MAML2: variants seen among roughly 807,000 people sequenced by gnomAD.
MAML2 encodes the protein mastermind like transcriptional coactivator 2.
In MAML2, 22 loss-of-function variants were observed where a neutral mutation model predicts 96.1. The observed-to-expected ratio is 0.23, with a 90% CI of 0.16 to 0.33. The LOEUF (loss-of-function observed/expected upper bound fraction) is 0.33. Ranked by LOEUF, MAML2 falls within the 10% of genes least tolerant of loss-of-function variation. MAML2 has a pLI of 1.00. For missense variants in MAML2, 1,367 were observed against 1,392.4 expected (o/e 0.98, Z 0.29); for synonymous variants, 561 against 521.3 (o/e 1.08, Z -1.04).
chr11:96,063,675 G>T (rs1430387352), intron 2 of MAML2, among the ~76,000 whole-genome samples: 1 of 152,174 alleles, frequency 6.6e-6, no homozygotes, highest in African/African-American at 2.4e-5. Context: ...CTCCAAATGA[G>T]CTGAGGGATG....
At chr11:96,043,667 T>C (rs915558571) in intron 2 of MAML2, among the ~76,000 whole-genome samples, 1 of 152,236 alleles carries the variant, frequency 6.6e-6, no homozygotes, top group Non-Finnish European at 1.5e-5. Context: ...AAATGGATGA[T>C]AGAATGTCTG....
In MAML2 at chr11:96,147,188, AC is replaced by A. The variant is rs1242087465; in HGVS notation, c.514-53672del. Among the ~76,000 whole-genome samples, 4 of 152,358 alleles carry A rather than the reference AC, an allele frequency of 2.6e-5. No homozygotes were observed. In the South Asian group the frequency reaches 6.2e-4, roughly 24 times the overall value. On this transcript the variant is annotated intron_variant, in intron 1 of 4. Transcript: ENST00000524717. ...AATACTATATATGCTATACAGCTAA[AC>A]TTTTTTCCTCAATACTTCCTTTTCT...
chr11:96,061,655 A>G (rs137876129), intron 2 of MAML2, among the ~76,000 whole-genome samples: 6 of 152,298 alleles, frequency 3.9e-5, no homozygotes, highest in African/African-American at 1.4e-4. Context: ...AAGACAGGCC[A>G]CTTTCCTCCT....
intron 3 of MAML2, among the ~76,000 whole-genome samples, chr11:95,989,071 C>T (rs768923662): frequency 2.0e-5 from 3 of 152,194 alleles, no homozygotes; most frequent in African/African-American, 4.8e-5. Context: ...TTGGTAATTA[C>T]GATGTCCGTT....
At chr11:96,137,018 T>A (rs1591033684) in intron 1 of MAML2, among the ~76,000 whole-genome samples, 1 of 152,190 alleles carries the variant, frequency 6.6e-6, no homozygotes, top group Admixed American at 6.5e-5. Flanking sequence ...TGTTGTTTTT[T>A]AAAAAATGCC....
At chr11:96,019,363 T>C (rs949667138) in intron 2 of MAML2, among the ~76,000 whole-genome samples, 2 of 152,128 alleles carry the variant, frequency 1.3e-5, no homozygotes, top group African/African-American at 4.8e-5. Context: ...ATCATAACAA[T>C]CATTTTGAAT....
At chr11:95,992,540 G>A (rs960738767) in intron 2 of MAML2, among the ~76,000 whole-genome samples, 1 of 152,210 alleles carries the variant, frequency 6.6e-6, no homozygotes, top group Admixed American at 6.5e-5. Flanking sequence ...TTAGGATTGA[G>A]CTCTACACTA....
rs149665502 is a variant in MAML2, at chr11:96,282,611, C to T, written c.513+58772G>A. Among the ~76,000 whole-genome samples, 73 of 152,298 alleles carry T rather than the reference C, an allele frequency of 4.8e-4. 1 individual carries two copies. Among genetic ancestry groups the T allele is most frequent in the Middle Eastern group, 3.4e-3 (1 of 294 alleles). ...AGACATACTTTTTGCCAGAAATACT[C>T]ACTTCAATTGCACAGGAAAAAGTGA... is the stretch of plus-strand genomic sequence containing the variant. On this transcript the variant is annotated intron_variant, in intron 1 of 4. Transcript: ENST00000524717.
chr11:96,000,968 T>G (rs1349859416), intron 2 of MAML2, among the ~76,000 whole-genome samples: 1 of 152,218 alleles, frequency 6.6e-6, no homozygotes, highest in Non-Finnish European at 1.5e-5. Flanking sequence ...TTTGGTTTAG[T>G]ATTCTTCTTT....
chr11:96,105,681 TTGA>T (rs1362104980), intron 1 of MAML2, among the ~76,000 whole-genome samples: 1 of 152,204 alleles, frequency 6.6e-6, no homozygotes, highest in African/African-American at 2.4e-5. Context: ...ATATAAAGTG[TTGA>T]TATGTGTTTT....
intron 1 of MAML2, among the ~76,000 whole-genome samples, chr11:96,168,128 C>T (rs1861222211): frequency 6.6e-6 from 1 of 152,134 alleles, no homozygotes; most frequent in Non-Finnish European, 1.5e-5. Flanking sequence ...TACAGGCTCT[C>T]TAATCTTGAA....
chr11:96,192,390 G>T lies in MAML2; in HGVS notation c.514-98873C>A, dbSNP rs558019921. On this transcript the variant is annotated intron_variant, in intron 1 of 4. Coordinates refer to ENST00000524717, the MANE Select transcript of MAML2 (RefSeq NM_032427.4). ...TGTGACAGGTCTGTTTCCCTAAATT[G>T]TGTCCCAGGAAGAAGGAGCCCATCA... 3.9e-4 allele frequency among the ~76,000 whole-genome samples: 59 copies of T among 152,306 alleles called. 1 individual carries two copies. The highest frequency in any genetic ancestry group is 1.4e-3 in the African/African-American group (58 of 41,554).
At chr11:96,098,338 T>C (rs1380204266) in intron 1 of MAML2, among the ~76,000 whole-genome samples, 1 of 152,244 alleles carries the variant, frequency 6.6e-6, no homozygotes, top group Non-Finnish European at 1.5e-5. Context: ...AATATGCAGA[T>C]GATTAAGCCA....
intron 2 of MAML2, among the ~76,000 whole-genome samples, chr11:96,000,502 G>T (rs1233814568): frequency 6.6e-6 from 1 of 152,130 alleles, no homozygotes; most frequent in Non-Finnish European, 1.5e-5. Flanking sequence ...GACCCTTGCT[G>T]TACTTGGCTG....
intron 1 of MAML2, among the ~76,000 whole-genome samples, chr11:96,159,933 C>A (rs1861078504): frequency 6.6e-6 from 1 of 152,166 alleles, no homozygotes; most frequent in Admixed American, 6.5e-5. Flanking sequence ...TATACTAGTT[C>A]TACTTTATTT....
At chr11:96,030,875 A>G (rs1858603537) in intron 2 of MAML2, among the ~76,000 whole-genome samples, 1 of 152,246 alleles carries the variant, frequency 6.6e-6, no homozygotes, top group Admixed American at 6.5e-5. Flanking sequence ...TAAATATGCT[A>G]TAGATCTCAG....
chr11:96,297,176 G>A (rs1863315399), intron 1 of MAML2, among the ~76,000 whole-genome samples: 1 of 152,126 alleles, frequency 6.6e-6, no homozygotes, highest in Admixed American at 6.5e-5. Flanking sequence ...GAAAATTCCG[G>A]AGTGAGGTTT....
rs180735090 is a variant in MAML2 at position 96,039,671 on chromosome 11, G to C, written c.2140-47948C>G. 2.4e-3 allele frequency among the ~76,000 whole-genome samples: 356 copies of C among 150,868 alleles called. 1 individual carries two copies. Among genetic ancestry groups the C allele is most frequent in the African/African-American group, 8.2e-3 (341 of 41,526 alleles). On this transcript the variant is annotated intron_variant, in intron 2 of 4. Coordinates refer to ENST00000524717, the MANE Select transcript of MAML2 (RefSeq NM_032427.4). Reference sequence around the variant, plus strand: ...GGCAGGAAAAGAGATCATCGGCCGGGCGCGGTGGCTCACGCCTGTAATCCC... The same window carrying C: ...GGCAGGAAAAGAGATCATCGGCCGGCCGCGGTGGCTCACGCCTGTAATCCC...
chr11:96,052,942 C>T (rs907553832), intron 2 of MAML2, among the ~76,000 whole-genome samples: 2 of 152,218 alleles, frequency 1.3e-5, no homozygotes, highest in African/African-American at 4.8e-5. Context: ...TGAGCCTTGC[C>T]TGGCCTGAAG....
Sources: gnomAD v4.1 joint callset for allele counts (sites outside exome capture counted in the v4.1 genomes callset) on GRCh38, gnomAD v4.1.1 for gene constraint, MANE v1.5 for transcripts, NCBI Gene and HGNC (gene_info 2026-07-23, HGNC 2026-07-21) for gene names.